The following BEND2 variants were observed in gnomAD, a reference collection of about 807,000 sequenced individuals.
The protein encoded by BEND2 is BEN domain-containing protein 2.
Under a neutral mutation model 43.8 loss-of-function variants are expected in BEND2, and 19 were observed. That is an observed-to-expected ratio of 0.43 (90% CI 0.30 to 0.64). BEND2 has a LOEUF of 0.64. BEND2 is among the 30% of genes least tolerant of loss of function. BEND2 has a pLI of 0.11. For missense variants in BEND2, 544 were observed against 574.0 expected (o/e 0.95, Z 0.53); for synonymous variants, 226 against 210.1 (o/e 1.08, Z -0.66).
chrX:18,205,130 C>T (rs1483316341), intron 4 of BEND2, among the ~76,000 whole-genome samples: 1 of 110,790 alleles, frequency 9.0e-6, no homozygotes, highest in Non-Finnish European at 1.9e-5. Context: ...TCTTGAAATA[C>T]ACAGAAACTT....
rs185635199 is a variant in BEND2 at position 18,195,527 on chromosome X, C to T, written c.1034-85G>A. On this transcript the variant is annotated intron_variant, in intron 6 of 13. Coordinates refer to ENST00000380033, the MANE Select transcript of BEND2 (RefSeq NM_153346.5). ...CTGGAAAAAAGGTAAAGACATTTCTCGAACGAAAGAAAACTAAAAAAATCT... is the reference window on the plus strand; with the variant it reads ...CTGGAAAAAAGGTAAAGACATTTCTTGAACGAAAGAAAACTAAAAAAATCT... 1.1e-5 allele frequency: 10 copies of T among 940,913 alleles called. No homozygotes were observed. In the Admixed American group the frequency reaches 2.7e-4, roughly 25 times the overall value. 77.5% of individuals were successfully genotyped at this position (940,913 alleles called of 1,213,427 possible). A position where few individuals can be genotyped will look rare whatever the true frequency, so the allele number is the denominator to read the frequency against.
chrX:18,204,396 G>C (rs1297491736), intron 4 of BEND2, among the ~76,000 whole-genome samples: 2 of 111,929 alleles, frequency 1.8e-5, no homozygotes, highest in African/African-American at 6.5e-5. Context: ...GTTTATCAAA[G>C]TTGTAAAAAT....
chrX:18,216,755 G>A, intron 1 of BEND2, 22 bp from the exon 2 acceptor site: 2 of 1,083,178 alleles, frequency 1.8e-6, no homozygotes, highest in African/African-American at 1.8e-5. Flanking sequence ...CAAAGAGGAA[G>A]ATTAGATTCA....
At chrX:18,195,487 G>A in intron 6 of BEND2, 45 bp from the exon 7 acceptor site, 1 of 1,091,806 alleles carries the variant, frequency 9.2e-7, no homozygotes, top group Non-Finnish European at 1.2e-6. Flanking sequence ...TTCTACATGA[G>A]GTAAAACTAT....
At chrX:18,165,327 T>A in intron 13 of BEND2, 104 bp from the exon 14 acceptor site, 1 of 634,285 alleles carries the variant, frequency 1.6e-6, no homozygotes, top group Non-Finnish European at 2.5e-6. Flanking sequence ...AAAGGATCAT[T>A]AACACTTTAA....
chrX:18,171,654 C>A (rs183064885), intron 12 of BEND2, among the ~76,000 whole-genome samples: 2 of 111,514 alleles, frequency 1.8e-5, no homozygotes, highest in Non-Finnish European at 3.8e-5. Flanking sequence ...TAAAGCCTTA[C>A]GTTTTTAGTG....
chrX:18,188,646 G>A (rs1421775891), intron 8 of BEND2, among the ~76,000 whole-genome samples: 1 of 111,503 alleles, frequency 9.0e-6, no homozygotes, highest in African/African-American at 3.3e-5. Context: ...AATTCTCCCA[G>A]TAAAGAAAAG....
rs1391005845 is a variant in BEND2 at position 18,163,166 on chromosome X, A to T, written c.*1843T>A. 2 of 111,891 alleles carry T rather than the reference A, an allele frequency of 1.8e-5. No individual in the cohort carries two copies. The highest frequency in any genetic ancestry group is 3.8e-5 in the Non-Finnish European group (2 of 53,181). 9.2% of individuals were successfully genotyped at this position (111,891 alleles called of 1,213,427 possible). On this transcript the variant is annotated 3_prime_UTR_variant, in exon 14 of 14. Coordinates refer to ENST00000380033, the MANE Select transcript of BEND2 (RefSeq NM_153346.5). The stretch of plus-strand genomic sequence containing the variant: ...AATGTATTTTGTCCAGTCAAATGTG[A>T]TCCTCCCTCTTGAGCCCAGGAGTTC...
In BEND2 at chrX:18,195,187, C is replaced by T. The variant is rs944064595; in HGVS notation, c.1180+109G>A. 4.3e-6 allele frequency: 4 copies of T among 939,444 alleles called. No individual in the cohort carries two copies. The South Asian group carries it at 1.6e-4, about 37-fold the overall frequency. 77.4% of individuals were successfully genotyped at this position (939,444 alleles called of 1,213,427 possible). A position where few individuals can be genotyped will look rare whatever the true frequency, so the allele number is the denominator to read the frequency against. On this transcript the variant is annotated intron_variant, in intron 7 of 13. Transcript: ENST00000380033. ...CCTGTGTATGATTTCTGAACTACCT[C>T]AATATGAAAAGTTTAATTTGTAAAA... is the stretch of plus-strand genomic sequence containing the variant.
At chrX:18,209,242 A>G (rs1280355619) in intron 4 of BEND2, among the ~76,000 whole-genome samples, 3 of 112,110 alleles carry the variant, frequency 2.7e-5, no homozygotes, top group Non-Finnish European at 5.6e-5. Context: ...TTGCAAATGC[A>G]TTCCAATTAA....
intron 8 of BEND2, among the ~76,000 whole-genome samples, chrX:18,180,901 A>C (rs894266468): frequency 9.2e-6 from 1 of 109,002 alleles, no homozygotes; most frequent in Non-Finnish European, 1.9e-5. Context: ...TAGCCTTCCG[A>C]GTAGCTGGAA....
Position 18,195,291 on chromosome X carries a change from C to T in BEND2, c.1180+5G>A. 1 of 1,200,219 alleles carries T rather than the reference C, an allele frequency of 8.3e-7. No homozygotes were observed. Among genetic ancestry groups the T allele is most frequent in the Non-Finnish European group, 1.1e-6 (1 of 891,548 alleles). ...TGCTTGTGATATCCATTATTTCAAA[C>T]TCACCAAAATTAGAAGTGATGGGAA... On this transcript the variant is annotated splice_donor_5th_base_variant and intron_variant, in intron 7 of 13. Transcript: ENST00000380033.
In BEND2 at chrX:18,180,662, G is replaced by C. The variant is rs370857911; in HGVS notation, c.1289-12C>G. 8.5e-7 allele frequency: 1 copy of C among 1,174,687 alleles called. No homozygotes were observed. Among genetic ancestry groups the C allele is most frequent in the East Asian group, 3.0e-5 (1 of 33,548 alleles). On this transcript the variant is annotated splice_polypyrimidine_tract_variant and intron_variant, in intron 8 of 13. Transcript: ENST00000380033. ...CAGAGGTAACAGTGCTGAAAGAAAA[G>C]AACTCTCAACTGACAATTCTATATC...
intron 1 of BEND2, among the ~76,000 whole-genome samples, chrX:18,220,409 A>G (rs1285822473): frequency 8.9e-6 from 1 of 111,944 alleles, no homozygotes; most frequent in African/African-American, 3.2e-5. Flanking sequence ...CACAAGCCCA[A>G]GTCACCCCAA....
At position 18,163,753 on chromosome X, in the gene BEND2, C is replaced by A. The variant is rs1923752376; in HGVS notation, c.*1256G>T. On this transcript the variant is annotated 3_prime_UTR_variant, in exon 14 of 14. Transcript: ENST00000380033. ...TCTTCTTGCCTAGGGTCGAACTGTA[C>A]TTTTCTTTTAAAAAAATTTTATTTT... 8.9e-6 allele frequency: 1 copy of A among 111,909 alleles called. No homozygotes were observed. The highest frequency in any genetic ancestry group is 3.2e-5 in the African/African-American group (1 of 30,832). 9.2% of individuals were successfully genotyped at this position (111,909 alleles called of 1,213,427 possible).
At chrX:18,214,115 A>G (rs113447775) in intron 2 of BEND2, among the ~76,000 whole-genome samples, 1,919 of 111,417 alleles carry the variant, frequency 0.017, 45 homozygotes, top group African/African-American at 0.059. Context: ...GCACATAGCA[A>G]GAAGTAAAAA....
At chrX:18,179,355 GT>G (rs895328896) in intron 9 of BEND2, among the ~76,000 whole-genome samples, 1 of 108,859 alleles carries the variant, frequency 9.2e-6, no homozygotes, top group African/African-American at 3.4e-5. Flanking sequence ...TAGAGATGGG[GT>G]TTTGCTATGT....
chrX:18,207,762 T>G (rs1489491857), intron 4 of BEND2, among the ~76,000 whole-genome samples: 2 of 112,793 alleles, frequency 1.8e-5, no homozygotes, highest in African/African-American at 6.4e-5. Context: ...CTCACGCCTG[T>G]AAGCCCAGCA....
At chrX:18,179,179 G>GTTTTTTTTT (rs1164362773) in intron 9 of BEND2, among the ~76,000 whole-genome samples, 5 of 58,407 alleles carry the variant, frequency 8.6e-5, no homozygotes, top group East Asian at 6.3e-4. Context: ...TTTTGTTTCT[G>GTTTTTTTTT]TTTTTTTTTT....
Sources: allele counts gnomAD v4.1 joint callset (sites outside exome capture counted in the v4.1 genomes callset), GRCh38; gene constraint gnomAD v4.1.1; transcripts MANE v1.5; gene names NCBI Gene and HGNC (gene_info 2026-07-23, HGNC 2026-07-21).